CCDC170: variants seen among roughly 807,000 people sequenced by gnomAD.
The protein encoded by CCDC170 is coiled-coil domain-containing protein 170.
Under a neutral mutation model 72.6 loss-of-function variants are expected in CCDC170, and 69 were observed. The ratio of observed to expected loss-of-function variants is 0.95; its 90% CI spans 0.78 to 1.16. CCDC170 has a LOEUF of 1.16. Among genes scored for constraint, CCDC170 ranks in the 50% most tolerant of loss-of-function variants. CCDC170 has a pLI of 0.00. For missense variants in CCDC170, 852 were observed against 832.5 expected (o/e 1.02, Z -0.29); for synonymous variants, 300 against 303.9 (o/e 0.99, Z 0.13).
chr6:151,593,203 C>T lies in CCDC170; in HGVS notation c.1390C>T (p.Arg464Ter), dbSNP rs201819308. The stretch of plus-strand genomic sequence containing the variant: ...CATGCGGCTGGACGTGGTTTTAGCT[C>T]GAACAGAGCAGCTGGTTCGTCTTGA... ...FDMRLDVVLA[R>*]TEQLVRLESN... Residue 464 changes from arginine to a stop codon, truncating the protein, a stop_gained, in exon 8 of 11, where the codon CGA becomes TGA. Transcript: ENST00000239374. LOFTEE classifies it high-confidence loss of function. The T allele has an allele frequency of 2.7e-4, 429 of 1,614,090 alleles. No individual in the cohort carries two copies. Among genetic ancestry groups the T allele is most frequent in the Admixed American group, 3.3e-4 (20 of 60,014 alleles).
intron 7 of CCDC170, among the ~76,000 whole-genome samples, chr6:151,588,532 C>A (rs577327689): frequency 6.6e-6 from 1 of 152,184 alleles, no homozygotes; most frequent in South Asian, 2.1e-4. Context: ...AGATCTGAAC[C>A]AAGTAGTGGT....
chr6:151,549,943 A>G (rs2115060396), intron 5 of CCDC170, among the ~76,000 whole-genome samples: 1 of 152,088 alleles, frequency 6.6e-6, no homozygotes, highest in East Asian at 1.9e-4. Flanking sequence ...ATATATCAGT[A>G]AGACAAAATC....
chr6:151,505,987 G>T (rs576744956), intron 1 of CCDC170, among the ~76,000 whole-genome samples: 1 of 152,134 alleles, frequency 6.6e-6, no homozygotes, highest in African/African-American at 2.4e-5. Context: ...TGTAGTTCCA[G>T]CTACTCAGGA....
intron 1 of CCDC170, among the ~76,000 whole-genome samples, chr6:151,502,104 G>T (rs1189411325): frequency 6.6e-6 from 1 of 152,098 alleles, no homozygotes; most frequent in Admixed American, 6.6e-5. Flanking sequence ...TTCAGATATT[G>T]CTCATAAAAA....
At chr6:151,561,575 G>T (rs1168686479) in intron 5 of CCDC170, among the ~76,000 whole-genome samples, 1 of 152,076 alleles carries the variant, frequency 6.6e-6, no homozygotes, top group African/African-American at 2.4e-5. Context: ...CTACTGAGAA[G>T]TCTACTATTA....
At chr6:151,601,198 G>A (rs1163180326) in intron 9 of CCDC170, among the ~76,000 whole-genome samples, 4 of 152,144 alleles carry the variant, frequency 2.6e-5, no homozygotes, top group Non-Finnish European at 5.9e-5. Context: ...AGTGACAGGG[G>A]TTTTCCCTTA....
intron 1 of CCDC170, among the ~76,000 whole-genome samples, chr6:151,516,244 T>G (rs537806472): frequency 1.3e-5 from 2 of 152,244 alleles, no homozygotes; most frequent in Admixed American, 1.3e-4. Flanking sequence ...TGCTGGTCAG[T>G]TGTGTCTGAA....
chr6:151,542,262 C>T (rs1169253710), intron 3 of CCDC170, among the ~76,000 whole-genome samples: 1 of 152,022 alleles, frequency 6.6e-6, no homozygotes, highest in Non-Finnish European at 1.5e-5. Flanking sequence ...ACTCTGCCAC[C>T]CAGGCTGGAG....
At chr6:151,575,431 C>CA (rs537055596) in intron 6 of CCDC170, among the ~76,000 whole-genome samples, 3,826 of 91,554 alleles carry the variant, frequency 0.042, 54 homozygotes, top group African/African-American at 0.05. Context: ...AGACTCTGTC[C>CA]AAAAAAAAAA....
chr6:151,593,296 A>G lies in CCDC170; in HGVS notation c.1467+16A>G, dbSNP rs1776572487. 1 of 1,607,666 alleles carries G rather than the reference A, an allele frequency of 6.2e-7. No homozygotes were observed. ...GCAGAGAAAGGTAGGAGATATTGAA[A>G]CTTGCTAGTATTGAGAGAAGAAATT... On this transcript the variant is annotated intron_variant, in intron 8 of 10. Transcript: ENST00000239374.
chr6:151,504,300 T>C (rs1340041190), intron 1 of CCDC170, among the ~76,000 whole-genome samples: 2 of 151,068 alleles, frequency 1.3e-5, no homozygotes, highest in Non-Finnish European at 3.0e-5. Context: ...GAAATAAAAA[T>C]GAAAAAAAAA....
intron 5 of CCDC170, among the ~76,000 whole-genome samples, chr6:151,565,634 G>C (rs1583029074): frequency 6.6e-6 from 1 of 152,170 alleles, no homozygotes; most frequent in African/African-American, 2.4e-5. Context: ...TTGTGGAGGG[G>C]CAGCTGATAG....
At chr6:151,613,573 A>G (rs751391697) in intron 9 of CCDC170, among the ~76,000 whole-genome samples, 4 of 152,174 alleles carry the variant, frequency 2.6e-5, no homozygotes, top group Non-Finnish European at 5.9e-5. Context: ...GATCTTTCAT[A>G]TAAATGGGAT....
rs1040791446 is a variant in CCDC170 at position 151,575,381 on chromosome 6, C to T, written c.1092+1890C>T. ...TCCAAAATTCAAGCTTGCAGTGAGC[C>T]GAGATCGTGCCACTGCACTCCAGCC... is the stretch of plus-strand genomic sequence containing the variant. On this transcript the variant is annotated intron_variant, in intron 6 of 10. Coordinates refer to ENST00000239374, the MANE Select transcript of CCDC170 (RefSeq NM_025059.4). Among the ~76,000 whole-genome samples, 9 of 146,888 alleles carry T rather than the reference C, an allele frequency of 6.1e-5. No individual in the cohort carries two copies. The South Asian group carries it at 8.9e-4, about 15-fold the overall frequency.
chr6:151,530,911 G>T (rs1036191632), intron 1 of CCDC170, among the ~76,000 whole-genome samples: 24 of 151,954 alleles, frequency 1.6e-4, no homozygotes, highest in Admixed American at 3.9e-4. Flanking sequence ...TTAGGTCATT[G>T]GTTTTCTTAC....
chr6:151,550,671 C>G (rs912857490), intron 5 of CCDC170, among the ~76,000 whole-genome samples: 1 of 152,228 alleles, frequency 6.6e-6, no homozygotes, highest in East Asian at 1.9e-4. Context: ...GTATTTCTCA[C>G]AAATCTGGAG....
chr6:151,527,710 G>A (rs1782432087), intron 1 of CCDC170, among the ~76,000 whole-genome samples: 1 of 151,900 alleles, frequency 6.6e-6, no homozygotes, highest in Non-Finnish European at 1.5e-5. Flanking sequence ...AGAGAGAGAG[G>A]GAGAGGTAGA....
rs1562271394 is a variant in CCDC170 at position 151,526,095 on chromosome 6, T to TTCCTTCCTTC, written c.58-10223_58-10222insTCCTTCCTTC. Among the ~76,000 whole-genome samples, 515 of 145,688 alleles carry TTCCTTCCTTC rather than the reference T, an allele frequency of 3.5e-3. 4 individuals carry two copies. Among genetic ancestry groups the TTCCTTCCTTC allele is most frequent in the African/African-American group, 0.013 (484 of 37,408 alleles). On this transcript the variant is annotated intron_variant, in intron 1 of 10. Coordinates refer to ENST00000239374, the MANE Select transcript of CCDC170 (RefSeq NM_025059.4). Reference sequence around the variant, plus strand: ...TCCTTCCTTCCTTCCTTCCTTCCTTTCTTCCTTCCTTCCTTCCTTCCTTTC... The same window carrying TTCCTTCCTTC: ...TCCTTCCTTCCTTCCTTCCTTCCTTTTCCTTCCTTCCTTCCTTCCTTCCTTCCTTCCTTTC...
intron 6 of CCDC170, among the ~76,000 whole-genome samples, chr6:151,574,550 A>C (rs1464775243): frequency 2.0e-5 from 3 of 152,162 alleles, no homozygotes; most frequent in African/African-American, 7.2e-5. Context: ...ACAGCCCTCC[A>C]CTGTGGTGTC....
Sources: gnomAD v4.1 joint callset for allele counts (sites outside exome capture counted in the v4.1 genomes callset) on GRCh38, gnomAD v4.1.1 for gene constraint, MANE v1.5 for transcripts, NCBI Gene and HGNC (gene_info 2026-07-23, HGNC 2026-07-21) for gene names.